FGF12: variants seen among roughly 807,000 people sequenced by gnomAD.
FGF12 encodes fibroblast growth factor 12B.
A neutral mutation model predicts 23.6 loss-of-function variants in FGF12; 14 were observed. The observed-to-expected ratio is 0.59, with a 90% CI of 0.39 to 0.93. FGF12 has a LOEUF of 0.93. FGF12 is among the 40% of genes least tolerant of loss of function. FGF12 has a pLI of 0.00. For missense variants in FGF12, 175 were observed against 217.8 expected (o/e 0.80, Z 1.24); for synonymous variants, 62 against 77.3 (o/e 0.80, Z 1.04).
At chr3:192,158,574 C>G (rs1023123191) in intron 5 of FGF12, among the ~76,000 whole-genome samples, 3 of 109,116 alleles carry the variant, frequency 2.7e-5, no homozygotes, top group African/African-American at 3.8e-5. Flanking sequence ...CTTTCTTTCT[C>G]TTTCTTTCTT....
chr3:192,645,603 G>A (rs1715974225), intron 2 of FGF12, among the ~76,000 whole-genome samples: 1 of 152,114 alleles, frequency 6.6e-6, no homozygotes, highest in Non-Finnish European at 1.5e-5. Flanking sequence ...GCCCATACCA[G>A]AATGGAGCAT....
chr3:192,456,012 C>A (rs573068346), intron 2 of FGF12, among the ~76,000 whole-genome samples: 1 of 152,056 alleles, frequency 6.6e-6, no homozygotes, highest in South Asian at 2.1e-4. Flanking sequence ...TCTTTTGGGT[C>A]CATAATATGT....
At chr3:192,661,367 C>A (rs1240277440) in intron 2 of FGF12, among the ~76,000 whole-genome samples, 1 of 152,084 alleles carries the variant, frequency 6.6e-6, no homozygotes, top group East Asian at 1.9e-4. Context: ...ACTAAAAATA[C>A]AAAACTTAGC....
At chr3:192,548,576 C>A (rs1725554039) in intron 2 of FGF12, among the ~76,000 whole-genome samples, 1 of 152,104 alleles carries the variant, frequency 6.6e-6, no homozygotes, top group Admixed American at 6.5e-5. Context: ...AGTGACACTA[C>A]AATGGCTCAT....
chr3:192,515,928 C>A lies in FGF12; in HGVS notation c.14-155390G>T, dbSNP rs369992313. On this transcript the variant is annotated intron_variant, in intron 2 of 5. Coordinates refer to ENST00000445105, the MANE Select transcript of FGF12 (RefSeq NM_004113.6). The stretch of plus-strand genomic sequence containing the variant: ...TGCTGTCGAAGTGACAGGACGTAAC[C>A]CTATGTGGAATCTCAGGGCAAGAGG... 6.7e-4 allele frequency among the ~76,000 whole-genome samples: 102 copies of A among 151,578 alleles called. 1 individual carries two copies. The South Asian group carries it at 0.013, about 19-fold the overall frequency.
intron 2 of FGF12, among the ~76,000 whole-genome samples, chr3:192,603,656 A>C (rs1714212460): frequency 6.6e-6 from 1 of 152,122 alleles, no homozygotes; most frequent in Non-Finnish European, 1.5e-5. Context: ...GTTTTTATTA[A>C]AGATTTCAAA....
At position 192,360,665 on chromosome 3, in the gene FGF12, G is replaced by A; in HGVS notation, c.14-127C>T. On this transcript the variant is annotated intron_variant, in intron 2 of 5. Transcript: ENST00000445105. This position sits in a 1 kb window ranked among gnomAD's most constrained non-coding sequence, Gnocchi z 4.3. ...GCTTAAATATTGAATTATGTATTTGGGAGTTGGGTGTTTCAGTAACATATC... is the reference window on the plus strand; with the variant it reads ...GCTTAAATATTGAATTATGTATTTGAGAGTTGGGTGTTTCAGTAACATATC... 1.5e-6 allele frequency: 1 copy of A among 667,884 alleles called. No homozygotes were observed. The highest frequency in any genetic ancestry group is 2.7e-6 in the Non-Finnish European group (1 of 375,910). 41.4% of individuals were successfully genotyped at this position (667,884 alleles called of 1,614,324 possible).
At chr3:192,217,117 A>T (rs1718231174) in intron 4 of FGF12, among the ~76,000 whole-genome samples, 1 of 152,212 alleles carries the variant, frequency 6.6e-6, no homozygotes, top group African/African-American at 2.4e-5. Flanking sequence ...CCAGCCGATA[A>T]CTAGCTTTCT....
chr3:192,241,991 T>G (rs182409737), intron 4 of FGF12, among the ~76,000 whole-genome samples: 1 of 152,258 alleles, frequency 6.6e-6, no homozygotes, highest in East Asian at 1.9e-4. Flanking sequence ...GTTGCATCAG[T>G]ATTTATGGGG....
At chr3:192,286,353 C>G (rs921165913) in intron 4 of FGF12, among the ~76,000 whole-genome samples, 4 of 152,012 alleles carry the variant, frequency 2.6e-5, no homozygotes, top group African/African-American at 9.7e-5. Flanking sequence ...TGTTTGGAAG[C>G]GTTCCCACTC....
At chr3:192,536,444 A>G (rs1725224117) in intron 2 of FGF12, among the ~76,000 whole-genome samples, 3 of 152,210 alleles carry the variant, frequency 2.0e-5, no homozygotes, top group Non-Finnish European at 4.4e-5. Context: ...GTCACAATAC[A>G]TGGTGCCATC....
At chr3:192,254,483 T>C (rs1208902887) in intron 4 of FGF12, among the ~76,000 whole-genome samples, 1 of 151,990 alleles carries the variant, frequency 6.6e-6, no homozygotes, top group African/African-American at 2.4e-5. Context: ...CCTATTATGT[T>C]ACAGCCATTC....
chr3:192,692,382 A>G (rs1460668835), intron 2 of FGF12, among the ~76,000 whole-genome samples: 3 of 152,196 alleles, frequency 2.0e-5, no homozygotes, highest in Non-Finnish European at 2.9e-5. Context: ...CCAATGTGAT[A>G]CACCACTTTA....
chr3:192,318,751 C>A (rs369323729), intron 4 of FGF12, among the ~76,000 whole-genome samples: 2 of 151,966 alleles, frequency 1.3e-5, no homozygotes, highest in South Asian at 4.2e-4. Flanking sequence ...AAACATCAAG[C>A]AGATTTAACC....
At chr3:192,210,999 T>G (rs1374590683) in intron 4 of FGF12, among the ~76,000 whole-genome samples, 1 of 152,130 alleles carries the variant, frequency 6.6e-6, no homozygotes, top group Non-Finnish European at 1.5e-5. Flanking sequence ...ATTGCAAGGT[T>G]TAAAGCAGAG....
At chr3:192,273,714 A>G (rs1047738429) in intron 4 of FGF12, among the ~76,000 whole-genome samples, 1 of 152,152 alleles carries the variant, frequency 6.6e-6, no homozygotes, top group Non-Finnish European at 1.5e-5. Context: ...GCTTCGGAAA[A>G]TTTACTTCCA....
intron 2 of FGF12, among the ~76,000 whole-genome samples, chr3:192,433,196 G>C (rs1489091350): frequency 1.3e-5 from 2 of 152,154 alleles, no homozygotes; most frequent in Non-Finnish European, 1.5e-5. Flanking sequence ...TGAGAAAACA[G>C]AATCACAGTA....
chr3:192,308,601 A>G (rs1400254237), intron 4 of FGF12, among the ~76,000 whole-genome samples: 1 of 151,718 alleles, frequency 6.6e-6, no homozygotes, highest in Non-Finnish European at 1.5e-5. Context: ...AATCGCTTGA[A>G]CCTGGGAGGC....
intron 2 of FGF12, among the ~76,000 whole-genome samples, chr3:192,363,218 C>T (rs563407004): frequency 5.4e-5 from 8 of 148,940 alleles, no homozygotes; most frequent in Non-Finnish European, 1.2e-4. Context: ...TGCACATGTA[C>T]CCTAAAACTT....
Sources: gnomAD v4.1 joint callset for allele counts (sites outside exome capture counted in the v4.1 genomes callset) on GRCh38, gnomAD v4.1.1 for gene constraint, Gnocchi (gnomAD v3.1) non-coding constraint, MANE v1.5 for transcripts, NCBI Gene and HGNC (gene_info 2026-07-23, HGNC 2026-07-21) for gene names.